The following FRMD6 variants were observed in gnomAD, a reference collection of about 807,000 sequenced individuals.
FRMD6 encodes the protein FERM domain-containing protein 6.
FRMD6 carries 37 observed loss-of-function variants against 73.2 expected under a neutral mutation model. The observed-to-expected ratio is 0.51, with a 90% confidence interval of 0.39 to 0.66. FRMD6 has a LOEUF of 0.66. Among genes scored for constraint, FRMD6 ranks in the 30% least tolerant of loss-of-function variants. The pLI is 0.00. For missense variants in FRMD6, 714 were observed against 780.5 expected, an observed-to-expected ratio of 0.91 and a Z score of 1.02; for synonymous variants, 273 against 282.2, an observed-to-expected ratio of 0.97 and a Z score of 0.33.
rs1051789073 is a variant in FRMD6 at position 51,516,504 on chromosome 14, G to T, written c.-210+27084G>T. On this transcript the variant is annotated intron_variant, in intron 1 of 14. Coordinates refer to the FRMD6 transcript ENST00000356218. ...ATAACTTCAGAAAGGACCAGAGTGA[G>T]GGGGTATATGTGTGTGCACATGTGT... Among the ~76,000 whole-genome samples, 4 of 137,508 alleles carry T rather than the reference G, an allele frequency of 2.9e-5. No individual in the cohort carries two copies. In the South Asian group the frequency reaches 9.7e-4, roughly 33 times the overall value. The allele number at this position is 137,508 out of a possible 152,430, so 90.2% of individuals were successfully genotyped here.
intron 1 of FRMD6, among the ~76,000 whole-genome samples, chr14:51,652,598 C>T (rs1461200100): frequency 6.6e-6 from 1 of 152,258 alleles, no homozygotes. Context: ...GCCCCGCGTC[C>T]CGGAAAGTGC....
At chr14:51,460,893 C>T in the FRMD6 span, among the ~76,000 whole-genome samples, 4 of 152,056 alleles carry the variant, frequency 2.6e-5, no homozygotes, top group Admixed American at 2.6e-4. Context: ...TTGTATGTTC[C>T]TTTTTCATTT....
the FRMD6 span, among the ~76,000 whole-genome samples, chr14:51,447,895 T>C: frequency 9.2e-5 from 14 of 152,252 alleles, no homozygotes; most frequent in South Asian, 2.1e-4. Flanking sequence ...TATTTTCTTA[T>C]TGCTTTGACG....
chr14:51,488,529 T>C (rs183009567), upstream of FRMD6, among the ~76,000 whole-genome samples: 19 of 152,336 alleles, frequency 1.2e-4, no homozygotes, highest in Non-Finnish European at 2.4e-4. Context: ...TCTACTGTAG[T>C]ACTACCACCT....
the FRMD6 span, among the ~76,000 whole-genome samples, chr14:51,425,106 C>A: frequency 6.6e-6 from 1 of 152,172 alleles, no homozygotes. Flanking sequence ...CTCCTTTTGT[C>A]TCCCCAGGCT....
chr14:51,612,862 A>T (rs1217696749), intron 2 of FRMD6, among the ~76,000 whole-genome samples: 1 of 152,222 alleles, frequency 6.6e-6, no homozygotes, highest in Admixed American at 6.5e-5. Context: ...TCAATATAAC[A>T]TGATAGATAT....
chr14:51,477,741 T>C, the FRMD6 span, among the ~76,000 whole-genome samples: 6 of 5,540 alleles, frequency 1.1e-3, no homozygotes, highest in South Asian at 0.016. Context: ...CTTTTTCTTT[T>C]TTTTTTTTTT....
chr14:51,573,971 TA>T (rs1888275660), intron 2 of FRMD6, among the ~76,000 whole-genome samples: 1 of 152,200 alleles, frequency 6.6e-6, no homozygotes, highest in Admixed American at 6.5e-5. Flanking sequence ...AATAATTAGT[TA>T]TTACTAAATT....
intron 1 of FRMD6, among the ~76,000 whole-genome samples, chr14:51,678,575 T>C (rs933640164): frequency 6.6e-6 from 1 of 152,094 alleles, no homozygotes; most frequent in African/African-American, 2.4e-5. Context: ...ACTTAATTGC[T>C]AGGGATTCAT....
upstream of FRMD6, among the ~76,000 whole-genome samples, chr14:51,647,191 A>G (rs1390144473): frequency 6.6e-6 from 1 of 152,202 alleles, no homozygotes; most frequent in African/African-American, 2.4e-5. Context: ...GATCAGGAGA[A>G]TAGAATTTAA....
At chr14:51,534,463 T>C (rs1486933551) in intron 1 of FRMD6, among the ~76,000 whole-genome samples, 1 of 152,202 alleles carries the variant, frequency 6.6e-6, no homozygotes, top group Non-Finnish European at 1.5e-5. Flanking sequence ...TTCTTTTGGA[T>C]ACAATCCTAG....
At chr14:51,469,481 C>T in the FRMD6 span, among the ~76,000 whole-genome samples, 2 of 151,152 alleles carry the variant, frequency 1.3e-5, no homozygotes, top group East Asian at 2.0e-4. Flanking sequence ...AGCGTGGTGG[C>T]AGGCCCCTGT....
intron 12 of FRMD6, among the ~76,000 whole-genome samples, chr14:51,723,523 A>G (rs949549682): frequency 3.3e-5 from 5 of 152,120 alleles, no homozygotes; most frequent in Non-Finnish European, 7.4e-5. Context: ...GCTCACACGT[A>G]TAATCCCAGC....
chr14:51,397,123 G>A, the FRMD6 span: 1 of 152,324 alleles, frequency 6.6e-6, no homozygotes, highest in Admixed American at 6.5e-5. Context: ...TATCTGATCT[G>A]CAAGAGGAGA....
the FRMD6 span, chr14:51,436,807 T>C: frequency 1.8e-6 from 1 of 540,902 alleles, no homozygotes. Flanking sequence ...AAGGAGAAGA[T>C]GATGATGAAG....
intron 1 of FRMD6, among the ~76,000 whole-genome samples, chr14:51,541,936 A>G (rs1276477951): frequency 6.6e-6 from 1 of 152,010 alleles, no homozygotes; most frequent in Non-Finnish European, 1.5e-5. Flanking sequence ...GCTAGATTAT[A>G]TGGTATAAGG....
At chr14:51,577,868 GC>G (rs1282395951) in intron 2 of FRMD6, among the ~76,000 whole-genome samples, 1 of 152,152 alleles carries the variant, frequency 6.6e-6, no homozygotes, top group Non-Finnish European at 1.5e-5. Context: ...GTATACACGT[GC>G]CTTTGCTATT....
At chr14:51,412,090 T>C in the FRMD6 span, among the ~76,000 whole-genome samples, 2 of 145,518 alleles carry the variant, frequency 1.4e-5, no homozygotes, top group African/African-American at 5.0e-5. Context: ...GCACGTTATA[T>C]AGTTTGATGT....
chr14:51,536,994 AC>A (rs1885934954), intron 1 of FRMD6, among the ~76,000 whole-genome samples: 1 of 152,106 alleles, frequency 6.6e-6, no homozygotes, highest in African/African-American at 2.4e-5. Context: ...CCAGAGTGGT[AC>A]ATTGGTTAAG....
Sources: gnomAD v4.1 joint callset for allele counts (sites outside exome capture counted in the v4.1 genomes callset) on GRCh38, gnomAD v4.1.1 for gene constraint, MANE v1.5 for transcripts, NCBI Gene and HGNC (gene_info 2026-07-23, HGNC 2026-07-21) for gene names.